Variants in ELAVL2 observed in about 807,000 individuals in gnomAD.
The protein encoded by ELAVL2 is ELAV like RNA binding protein 2.
In ELAVL2, 4 loss-of-function variants were observed where a neutral mutation model predicts 34.6. That is an observed-to-expected ratio of 0.12 (90% CI 0.06 to 0.26). ELAVL2 has a LOEUF of 0.26. Ranked by LOEUF, ELAVL2 falls within the 10% of genes least tolerant of loss-of-function variation. The pLI is 1.00. For missense variants in ELAVL2, 432 were observed against 442.8 expected (o/e 0.98, Z 0.22); for synonymous variants, 193 against 154.8 (o/e 1.25, Z -1.83).
chr9:23,766,899 G>GA (rs887312946), intron 1 of ELAVL2, among the ~76,000 whole-genome samples: 5 of 150,674 alleles, frequency 3.3e-5, no homozygotes, highest in South Asian at 2.1e-4. Context: ...TCTTCGGAAA[G>GA]AAAAAAAAGG....
intron 1 of ELAVL2, among the ~76,000 whole-genome samples, chr9:23,773,329 C>A (rs1046182532): frequency 6.6e-6 from 1 of 152,074 alleles, no homozygotes; most frequent in African/African-American, 2.4e-5. Context: ...TTTCGAACAA[C>A]CCCCTAACAG....
chr9:23,736,716 G>A (rs540619460), intron 2 of ELAVL2, among the ~76,000 whole-genome samples: 72 of 152,234 alleles, frequency 4.7e-4, no homozygotes, highest in Middle Eastern at 3.4e-3. Context: ...CCTGATCACT[G>A]CTACACTATC....
chr9:23,758,040 T>G (rs1437944739), intron 2 of ELAVL2, among the ~76,000 whole-genome samples: 2 of 151,936 alleles, frequency 1.3e-5, no homozygotes, highest in African/African-American at 2.4e-5. Context: ...GACTCCAGAG[T>G]TTTCCTGTAA....
intron 1 of ELAVL2, among the ~76,000 whole-genome samples, chr9:23,809,859 T>G (rs2062746829): frequency 6.6e-6 from 1 of 152,138 alleles, no homozygotes; most frequent in South Asian, 2.1e-4. Context: ...ACAGTAAAGT[T>G]GGAGAAATAC....
intron 3 of ELAVL2, among the ~76,000 whole-genome samples, chr9:23,721,389 A>C (rs551673943): frequency 7.2e-5 from 11 of 152,346 alleles, no homozygotes; most frequent in Non-Finnish European, 1.3e-4. Flanking sequence ...GACATTTAAC[A>C]ACCAAAACTA....
In ELAVL2 at chr9:23,701,450, G is replaced by A. The variant is rs748040124; in HGVS notation, c.642C>T (p.Ile214=). ...NNPSQKTNQA[I]LSQLYQSPNR... is the part of the protein sequence containing the mutation. ...TTGGAGACTGGTACAGCTGGGAAAG[G>A]ATGGCCTGATTGGTTTTTTGGCTTG... Residue 214 remains isoleucine, a synonymous_variant, in exon 5 of 7, where the codon ATC becomes ATT. Transcript: ENST00000397312. The A allele has an allele frequency of 6.2e-7, 1 of 1,614,036 alleles. No homozygotes were observed. The highest frequency in any genetic ancestry group is 8.5e-7 in the Non-Finnish European group (1 of 1,180,028).
At chr9:23,730,479 C>A (rs1368180297) in intron 3 of ELAVL2, among the ~76,000 whole-genome samples, 1 of 152,124 alleles carries the variant, frequency 6.6e-6, no homozygotes, top group Non-Finnish European at 1.5e-5. Context: ...ATGGTTTTTA[C>A]ATTTTTTAAC....
At chr9:23,739,688 G>A (rs933377487) in intron 2 of ELAVL2, among the ~76,000 whole-genome samples, 2 of 151,992 alleles carry the variant, frequency 1.3e-5, no homozygotes, top group Non-Finnish European at 2.9e-5. Context: ...TGTGGTAGAG[G>A]AAAACAAGTT....
intron 2 of ELAVL2, among the ~76,000 whole-genome samples, chr9:23,743,769 T>C (rs931593483): frequency 6.6e-6 from 1 of 152,168 alleles, no homozygotes; most frequent in African/African-American, 2.4e-5. Flanking sequence ...TCAACAACAC[T>C]TCAATTTTAA....
At chr9:23,809,760 T>C (rs2138028748) in intron 1 of ELAVL2, among the ~76,000 whole-genome samples, 1 of 152,276 alleles carries the variant, frequency 6.6e-6, no homozygotes, top group African/African-American at 2.4e-5. Flanking sequence ...ACATGGCCTC[T>C]TTCTAGGGAA....
intron 2 of ELAVL2, among the ~76,000 whole-genome samples, chr9:23,749,322 G>GCCT (rs942208062): frequency 3.9e-5 from 6 of 152,042 alleles, no homozygotes; most frequent in African/African-American, 1.4e-4. Context: ...ACTAGTGTAA[G>GCCT]CCTACATACT....
At chr9:23,818,489 C>CA (rs760140678) in intron 1 of ELAVL2, among the ~76,000 whole-genome samples, 1 of 152,126 alleles carries the variant, frequency 6.6e-6, no homozygotes, top group African/African-American at 2.4e-5. Context: ...AACCTCCCCC[C>CA]ACACACACTC....
intron 1 of ELAVL2, among the ~76,000 whole-genome samples, chr9:23,779,678 A>G (rs1179594073): frequency 6.6e-6 from 1 of 151,964 alleles, no homozygotes; most frequent in African/African-American, 2.4e-5. Flanking sequence ...GGCCTGAACA[A>G]AGAGGAGGAG....
At chr9:23,784,340 A>T (rs2059431551) in intron 1 of ELAVL2, among the ~76,000 whole-genome samples, 1 of 152,230 alleles carries the variant, frequency 6.6e-6, no homozygotes, top group Admixed American at 6.5e-5. Flanking sequence ...CATGAAGGAA[A>T]AAAGGATGCT....
At chr9:23,726,964 CTCT>C (rs1486047992) in intron 3 of ELAVL2, among the ~76,000 whole-genome samples, 4 of 152,078 alleles carry the variant, frequency 2.6e-5, no homozygotes, top group African/African-American at 9.7e-5. Context: ...AGAAAAACCT[CTCT>C]TCTTCTCACC....
At chr9:23,745,236 C>T (rs1368863383) in intron 2 of ELAVL2, among the ~76,000 whole-genome samples, 1 of 151,960 alleles carries the variant, frequency 6.6e-6, no homozygotes, top group Non-Finnish European at 1.5e-5. Context: ...AATCAAATAA[C>T]CAGGAACTAT....
intron 1 of ELAVL2, among the ~76,000 whole-genome samples, chr9:23,785,898 A>G (rs2059618768): frequency 6.6e-6 from 1 of 152,210 alleles, no homozygotes; most frequent in South Asian, 2.1e-4. Context: ...TACATTCCCA[A>G]AGAATAGATT....
intron 1 of ELAVL2, among the ~76,000 whole-genome samples, chr9:23,818,566 G>A (rs1186833915): frequency 6.6e-6 from 1 of 152,164 alleles, no homozygotes; most frequent in Non-Finnish European, 1.5e-5. Context: ...AGAGCTGGGG[G>A]TAGACTGAGA....
At chr9:23,695,097 G>T (rs1482524772) in intron 5 of ELAVL2, among the ~76,000 whole-genome samples, 1 of 152,276 alleles carries the variant, frequency 6.6e-6, no homozygotes, top group East Asian at 1.9e-4. Context: ...TTTTGCAGAG[G>T]TGAGTACAGT....
Sources: allele counts gnomAD v4.1 joint callset (sites outside exome capture counted in the v4.1 genomes callset), GRCh38; gene constraint gnomAD v4.1.1; transcripts MANE v1.5; gene names NCBI Gene and HGNC (gene_info 2026-07-23, HGNC 2026-07-21).